UBE2D2: variants seen among roughly 807,000 people sequenced by gnomAD.
UBE2D2 encodes the protein ubiquitin conjugating enzyme E2 D2.
UBE2D2 carries 2 observed loss-of-function variants against 24.2 expected under a neutral mutation model. The observed-to-expected ratio is 0.08, with a 90% CI of 0.03 to 0.26. UBE2D2 has a LOEUF of 0.26. Among genes scored for constraint, UBE2D2 ranks in the 10% least tolerant of loss-of-function variants. The pLI, the probability that UBE2D2 is intolerant of heterozygous loss-of-function variation, is 1.00. For missense variants in UBE2D2, 44 were observed against 177.6 expected (o/e 0.25, Z 4.28); for synonymous variants, 58 against 56.5 (o/e 1.03, Z -0.12).
chr5:139,553,655 C>CA (rs1752947087), intron 1 of UBE2D2, among the ~76,000 whole-genome samples: 1 of 151,996 alleles, frequency 6.6e-6, no homozygotes, highest in Non-Finnish European at 1.5e-5. Context: ...GACCCCAAGG[C>CA]AAAATCAATT....
At chr5:139,595,893 T>A (rs1429221574) in intron 1 of UBE2D2, among the ~76,000 whole-genome samples, 1 of 53,228 alleles carries the variant, frequency 1.9e-5, no homozygotes, top group Non-Finnish European at 3.3e-5. Context: ...TTTTTTGTTG[T>A]TTTTTTTTTT....
Position 139,587,270 on chromosome 5 carries a change from C to G in UBE2D2, c.25-13102C>G, listed in dbSNP as rs150492989. On this transcript the variant is annotated intron_variant, in intron 1 of 6. Transcript: ENST00000398733. ...ATCGGGAGTGGCAATGGGTGCCTCA[C>G]TGGATCAGGAGCACAGTGGACACCC... 6.2e-3 allele frequency among the ~76,000 whole-genome samples: 940 copies of G among 152,306 alleles called. 15 individuals are homozygous for G. The highest frequency in any genetic ancestry group is 0.019 in the African/African-American group (808 of 41,572).
At chr5:139,575,024 T>C (rs919789477) in intron 1 of UBE2D2, among the ~76,000 whole-genome samples, 1 of 152,210 alleles carries the variant, frequency 6.6e-6, no homozygotes, top group Admixed American at 6.5e-5. Flanking sequence ...GTAAACAAAA[T>C]GTAGAAAATC....
intron 1 of UBE2D2, among the ~76,000 whole-genome samples, chr5:139,576,432 T>C (rs200610112): frequency 0.061 from 9,302 of 152,232 alleles, 325 homozygotes; most frequent in South Asian, 0.11. Context: ...TTCTCTTTTG[T>C]GTCTTATATG....
intron 1 of UBE2D2, among the ~76,000 whole-genome samples, chr5:139,548,154 A>C: frequency 1.2e-5 from 1 of 80,558 alleles, no homozygotes; most frequent in South Asian, 4.3e-4. Flanking sequence ...ACAGAGCGAG[A>C]CTCCGTCTCA....
chr5:139,600,260 T>TTAA, intron 1 of UBE2D2, 112 bp from the exon 2 acceptor site: 1 of 1,162,866 alleles, frequency 8.6e-7, no homozygotes, highest in Non-Finnish European at 1.3e-6. Context: ...AGGAATGCTC[T>TTAA]TAAGAGAGTT....
intron 1 of UBE2D2, among the ~76,000 whole-genome samples, chr5:139,549,670 C>T (rs530640754): frequency 5.3e-5 from 8 of 152,344 alleles, no homozygotes; most frequent in Non-Finnish European, 7.4e-5. Context: ...CCCGACGGGG[C>T]GCCACCCCCT....
At chr5:139,529,113 C>A (rs1010829727) in intron 1 of UBE2D2, among the ~76,000 whole-genome samples, 3 of 152,154 alleles carry the variant, frequency 2.0e-5, no homozygotes, top group Non-Finnish European at 4.4e-5. Context: ...CAAAAGATTG[C>A]TACAGTCATA....
rs141102237 is a variant in UBE2D2 at position 139,555,647 on chromosome 5, C to G, written c.-64+29035C>G. Among the ~76,000 whole-genome samples the G allele has an allele frequency of 9.0e-3, 1,367 of 152,176 alleles. 29 individuals carry two copies. The highest frequency in any genetic ancestry group is 0.029 in the African/African-American group (1,213 of 41,528). On this transcript the variant is annotated intron_variant, in intron 1 of 6. Coordinates refer to the UBE2D2 transcript ENST00000511725. ...CTACTTTAAGAATCTAGAAAAACGG[C>G]CAGATGTGCTGGCTCATGCCTGTAA...
chr5:139,572,465 A>G (rs1753369522), intron 1 of UBE2D2, among the ~76,000 whole-genome samples: 1 of 151,978 alleles, frequency 6.6e-6, no homozygotes, highest in South Asian at 2.1e-4. Flanking sequence ...GTGCAGTGGC[A>G]TGTGCCTGTA....
chr5:139,549,033 A>G (rs1389172205), intron 1 of UBE2D2, among the ~76,000 whole-genome samples: 3 of 152,014 alleles, frequency 2.0e-5, no homozygotes, highest in Non-Finnish European at 4.4e-5. Flanking sequence ...TATTTTTAGT[A>G]GAGACGGGGT....
At chr5:139,551,433 T>C (rs1752920092) in intron 1 of UBE2D2, among the ~76,000 whole-genome samples, 2 of 152,228 alleles carry the variant, frequency 1.3e-5, no homozygotes, top group Non-Finnish European at 2.9e-5. Context: ...ACAATATTTG[T>C]CCTTCCTACT....
At chr5:139,567,265 A>AATTTTGT (rs1239454563) in intron 1 of UBE2D2, among the ~76,000 whole-genome samples, 1 of 151,880 alleles carries the variant, frequency 6.6e-6, no homozygotes, top group Non-Finnish European at 1.5e-5. Flanking sequence ...ACGCCCAGCT[A>AATTTTGT]ATTTTTGTAT....
intron 1 of UBE2D2, among the ~76,000 whole-genome samples, chr5:139,595,440 A>T (rs1753938581): frequency 6.6e-6 from 1 of 151,888 alleles, no homozygotes; most frequent in Admixed American, 6.6e-5. Flanking sequence ...GTGCAGTAGC[A>T]CGATGTTGTC....
chr5:139,610,546 A>AT (rs1175570306), intron 2 of UBE2D2, among the ~76,000 whole-genome samples: 1 of 151,554 alleles, frequency 6.6e-6, no homozygotes, highest in Non-Finnish European at 1.5e-5. Flanking sequence ...TCTCAAAAAA[A>AT]AAATATATTT....
chr5:139,566,243 T>C (rs1001523679), intron 1 of UBE2D2, among the ~76,000 whole-genome samples: 1 of 152,080 alleles, frequency 6.6e-6, no homozygotes, highest in East Asian at 1.9e-4. Context: ...GGTCTTGAAC[T>C]CCTGACGTCA....
At chr5:139,595,239 G>A (rs355148) in intron 1 of UBE2D2, among the ~76,000 whole-genome samples, 9,313 of 152,194 alleles carry the variant, frequency 0.061, 334 homozygotes, top group South Asian at 0.11. Flanking sequence ...CTGCCCACAT[G>A]TTCCGACTAG....
In UBE2D2 at chr5:139,580,983, G is replaced by A. The variant is rs375404508; in HGVS notation, c.24+19168G>A. Among the ~76,000 whole-genome samples the A allele has an allele frequency of 1.5e-4, 23 of 152,198 alleles. No homozygotes were observed. The South Asian group carries it at 2.5e-3, about 16-fold the overall frequency. On this transcript the variant is annotated intron_variant, in intron 1 of 6. Transcript: ENST00000398733. ...TTGTTAAAGCAACCTGGGCTTTACC[G>A]TAGTACTTAATAAGAAATAAATTGA... is the stretch of plus-strand genomic sequence containing the variant.
At chr5:139,609,496 G>A (rs1331523683) in intron 2 of UBE2D2, among the ~76,000 whole-genome samples, 2 of 151,416 alleles carry the variant, frequency 1.3e-5, no homozygotes, top group Non-Finnish European at 2.9e-5. Flanking sequence ...TCAGCCTCCC[G>A]AGTAGCTGGG....
Sources: allele counts gnomAD v4.1 joint callset (sites outside exome capture counted in the v4.1 genomes callset), GRCh38; gene constraint gnomAD v4.1.1; transcripts MANE v1.5; gene names NCBI Gene and HGNC (gene_info 2026-07-23, HGNC 2026-07-21).